Variants in SLC22A23 observed in about 807,000 individuals in gnomAD.
SLC22A23 encodes the protein ion transporter protein.
In SLC22A23, 26 loss-of-function variants were observed where a neutral mutation model predicts 61.0. That is an observed-to-expected ratio of 0.43 (90% CI 0.31 to 0.59). SLC22A23 has a LOEUF of 0.59. Ranked by LOEUF, SLC22A23 falls within the 20% of genes least tolerant of loss-of-function variation. The probability of loss-of-function intolerance (pLI) is 0.11; values close to 1 mark genes in which losing one functional copy is unlikely to be tolerated. For missense variants in SLC22A23, 796 were observed against 934.7 expected (o/e 0.85, Z 1.94); for synonymous variants, 430 against 413.9 (o/e 1.04, Z -0.47).
At chr6:3,453,981 G>A (rs1772273887) in intron 1 of SLC22A23, among the ~76,000 whole-genome samples, 1 of 152,178 alleles carries the variant, frequency 6.6e-6, no homozygotes, top group Non-Finnish European at 1.5e-5. Context: ...TGCTTGAAAA[G>A]CTCTTTGAAG....
In SLC22A23 at chr6:3,405,410, T is replaced by A. The variant is rs570820796; in HGVS notation, c.913+4778A>T. Among the ~76,000 whole-genome samples the A allele has an allele frequency of 1.2e-3, 185 of 152,278 alleles. 2 individuals are homozygous for A. Among genetic ancestry groups the A allele is most frequent in the African/African-American group, 4.3e-3 (179 of 41,546 alleles). The stretch of plus-strand genomic sequence containing the variant: ...TGCTGCTACTGGGAAGGCCCACGTA[T>A]CTGAAGATGGGGAAACCGGGTGGAG... On this transcript the variant is annotated intron_variant, in intron 3 of 9. Coordinates refer to ENST00000406686, the MANE Select transcript of SLC22A23 (RefSeq NM_015482.2).
chr6:3,452,200 A>C (rs1772183856), intron 1 of SLC22A23, among the ~76,000 whole-genome samples: 1 of 152,170 alleles, frequency 6.6e-6, no homozygotes, highest in Non-Finnish European at 1.5e-5. Context: ...TGGACACAAG[A>C]CACAACACCA....
intron 9 of SLC22A23, 186 bp downstream of exon 9, chr6:3,283,666 T>G (rs1759689229): frequency 2.2e-6 from 2 of 904,860 alleles, no homozygotes; most frequent in South Asian, 3.0e-5. Flanking sequence ...CAGGGCCAGG[T>G]TCTCACTGCC....
intron 4 of SLC22A23, 57 bp from the exon 5 acceptor site, chr6:3,298,275 A>G (rs941335637): frequency 4.5e-6 from 7 of 1,547,322 alleles, no homozygotes; most frequent in Admixed American, 4.1e-5. Flanking sequence ...GGCACCGGGA[A>G]GTGTGGCTTA....
Position 3,410,114 on chromosome 6 carries a change from C to G in SLC22A23, c.913+74G>C. ...CCCACACGAGCAGCATGCACAGTAT[C>G]TTTCCCAGAACCTCCCAGGCAACAA... is the stretch of plus-strand genomic sequence containing the variant. On this transcript the variant is annotated intron_variant, in intron 3 of 9. Transcript: ENST00000406686. The surrounding 1 kb of genome is among the most constrained non-coding windows in gnomAD (Gnocchi z 5.0). 2.0e-6 allele frequency: 3 copies of G among 1,522,300 alleles called. No homozygotes were observed. Among genetic ancestry groups the G allele is most frequent in the Non-Finnish European group, 2.7e-6 (3 of 1,129,790 alleles). The allele number at this position is 1,522,300 out of a possible 1,614,324, so 94.3% of individuals were successfully genotyped here. A position where few individuals can be genotyped will look rare whatever the true frequency, so the allele number is the denominator to read the frequency against.
intron 3 of SLC22A23, among the ~76,000 whole-genome samples, chr6:3,363,602 T>G (rs1765620421): frequency 1.3e-5 from 2 of 152,198 alleles, no homozygotes; most frequent in Non-Finnish European, 2.9e-5. Flanking sequence ...ACGCCCAAAC[T>G]AGGATGTGGC....
At chr6:3,442,598 T>C (rs1771665910) in intron 1 of SLC22A23, among the ~76,000 whole-genome samples, 1 of 152,132 alleles carries the variant, frequency 6.6e-6, no homozygotes, top group Non-Finnish European at 1.5e-5. Context: ...AAGGCAGCTT[T>C]TCATCTAATC....
intron 5 of SLC22A23, 115 bp from the exon 6 acceptor site, chr6:3,289,981 C>CTTTTT (rs35568219): frequency 2.2e-5 from 10 of 449,500 alleles, no homozygotes; most frequent in Admixed American, 3.6e-5. Flanking sequence ...GAGAGAGAAG[C>CTTTTT]TTTTTTTTTT....
chr6:3,341,265 G>C (rs983458411), intron 3 of SLC22A23, among the ~76,000 whole-genome samples: 1 of 152,156 alleles, frequency 6.6e-6, no homozygotes, highest in African/African-American at 2.4e-5. Flanking sequence ...ATGAAGGATT[G>C]AAATGCTAAA....
chr6:3,325,121 GGAA>G lies in SLC22A23; in HGVS notation c.914-1122_914-1120del, dbSNP rs1020374566. Among the ~76,000 whole-genome samples, 51 of 152,132 alleles carry G rather than the reference GGAA, an allele frequency of 3.4e-4. 1 individual carries two copies. Among genetic ancestry groups the G allele is most frequent in the Middle Eastern group, 3.2e-3 (1 of 316 alleles). ...AGAAGAAGGGGAAGGAGGAGGAGGG[GGAA>G]GAAGAAGAAGAGGAAGAAGACAGAC... On this transcript the variant is annotated intron_variant, in intron 3 of 9. Coordinates refer to ENST00000406686, the MANE Select transcript of SLC22A23 (RefSeq NM_015482.2).
chr6:3,440,392 T>C (rs1020962186), intron 1 of SLC22A23, among the ~76,000 whole-genome samples: 1 of 152,046 alleles, frequency 6.6e-6, no homozygotes, highest in Non-Finnish European at 1.5e-5. Flanking sequence ...CTGATCCAAT[T>C]CGACTGGGGT....
In SLC22A23 at chr6:3,323,818, T is replaced by C; in HGVS notation, c.1082+16A>G. On this transcript the variant is annotated intron_variant, in intron 4 of 9. Transcript: ENST00000406686. Reference sequence around the variant, plus strand: ...GCAGTCGCACCAGCCCAGGGCGCTGTGCAGAGTGTACTCACGACCAGTAGA... The same window carrying C: ...GCAGTCGCACCAGCCCAGGGCGCTGCGCAGAGTGTACTCACGACCAGTAGA... 2 of 1,610,040 alleles carry C rather than the reference T, an allele frequency of 1.2e-6. No individual in the cohort carries two copies. Among genetic ancestry groups the C allele is most frequent in the Non-Finnish European group, 1.7e-6 (2 of 1,177,416 alleles).
At position 3,300,631 on chromosome 6, in the gene SLC22A23, A is replaced by G. The variant is rs375446552; in HGVS notation, c.1083-2413T>C. Among the ~76,000 whole-genome samples, 6 of 152,366 alleles carry G rather than the reference A, an allele frequency of 3.9e-5. No homozygotes were observed. In the East Asian group the frequency reaches 7.7e-4, roughly 20 times the overall value. On this transcript the variant is annotated intron_variant, in intron 4 of 9. Transcript: ENST00000406686. ...TGTTGTTTATAAATCATCCAGGGTA[A>G]GGTATTTTGTTGTAGCAGCAGGAAC...
At position 3,372,511 on chromosome 6, in the gene SLC22A23, C is replaced by T. The variant is rs986113171; in HGVS notation, c.913+37677G>A. On this transcript the variant is annotated intron_variant, in intron 3 of 9. Transcript: ENST00000406686. This position sits in a 1 kb window ranked among gnomAD's most constrained non-coding sequence, Gnocchi z 4.7. Reference sequence around the variant, plus strand: ...GCTTTACTGTCTTGTGTGGAAGGAACACATGTGGGCTGTGGAGTTCAGGGG... The same window carrying T: ...GCTTTACTGTCTTGTGTGGAAGGAATACATGTGGGCTGTGGAGTTCAGGGG... Among the ~76,000 whole-genome samples, 1 of 152,174 alleles carries T rather than the reference C, an allele frequency of 6.6e-6. No individual in the cohort carries two copies. The highest frequency in any genetic ancestry group is 1.5e-5 in the Non-Finnish European group (1 of 68,018).
chr6:3,415,793 T>G lies in SLC22A23; in HGVS notation c.717A>C (p.Gly239=). 6.4e-7 allele frequency: 1 copy of G among 1,551,934 alleles called. No individual in the cohort carries two copies. Among genetic ancestry groups the G allele is most frequent in the Non-Finnish European group, 8.7e-7 (1 of 1,147,008 alleles). ...VHIAKFSLLV[G]LIFGYLITGC... ...CAGTTATTAGGTAGCCAAAGATTAA[T>G]CCAACCAGTAAGGAGAACTTAGCGA... The change falls in exon 2 of 10, where the codon GGA becomes GGC. Residue 239 remains glycine, a synonymous_variant. Transcript: ENST00000406686.
chr6:3,331,105 T>A (rs955057843), intron 3 of SLC22A23, among the ~76,000 whole-genome samples: 2 of 152,234 alleles, frequency 1.3e-5, no homozygotes, highest in Non-Finnish European at 1.5e-5. Context: ...TCATTTTACA[T>A]GAGAGGACCC....
intron 3 of SLC22A23, among the ~76,000 whole-genome samples, chr6:3,334,135 C>T (rs1171003669): frequency 2.0e-5 from 3 of 152,162 alleles, no homozygotes; most frequent in Non-Finnish European, 4.4e-5. Context: ...GGCCTACTGG[C>T]CTTGGGGTAA....
intron 3 of SLC22A23, among the ~76,000 whole-genome samples, chr6:3,339,388 C>T (rs1185354601): frequency 6.6e-6 from 1 of 152,120 alleles, no homozygotes; most frequent in African/African-American, 2.4e-5. Flanking sequence ...CTGGTCCTGT[C>T]CCTCCTGGGG....
At chr6:3,412,617 T>C (rs1296718389) in intron 2 of SLC22A23, among the ~76,000 whole-genome samples, 1 of 152,170 alleles carries the variant, frequency 6.6e-6, no homozygotes, top group East Asian at 1.9e-4. Flanking sequence ...GGCAGAACAA[T>C]GGTCCTCAAA....
Sources: gnomAD v4.1 joint callset for allele counts (sites outside exome capture counted in the v4.1 genomes callset) on GRCh38, gnomAD v4.1.1 for gene constraint, Gnocchi (gnomAD v3.1) non-coding constraint, MANE v1.5 for transcripts, NCBI Gene and HGNC (gene_info 2026-07-23, HGNC 2026-07-21) for gene names.